LRP1B: variants seen among roughly 807,000 people sequenced by gnomAD.
The protein encoded by LRP1B is LDL receptor related protein 1B.
LRP1B carries 217 observed loss-of-function variants against 556.6 expected under a neutral mutation model. That is an observed-to-expected ratio of 0.39 (90% CI 0.35 to 0.44). LRP1B has a LOEUF of 0.44. Among genes scored for constraint, LRP1B ranks in the 20% least tolerant of loss-of-function variants. The pLI is 1.00. For missense variants in LRP1B, 5,053 were observed against 5,620.8 expected (o/e 0.90, Z 3.23); for synonymous variants, 2,047 against 1,865.8 (o/e 1.10, Z -2.50).
At chr2:140,526,506 G>A (rs896310566) in intron 47 of LRP1B, among the ~76,000 whole-genome samples, 156 bp from the exon 48 acceptor site, 1 of 151,656 alleles carries the variant, frequency 6.6e-6, no homozygotes, top group Non-Finnish European at 1.5e-5. Flanking sequence ...ACCTTCAAGC[G>A]TGGGTTAGAT....
intron 41 of LRP1B, among the ~76,000 whole-genome samples, chr2:140,631,477 AAAGT>A (rs1683881945): frequency 6.6e-6 from 1 of 152,246 alleles, no homozygotes. Context: ...ATACGAGTTA[AAAGT>A]AAGTGGTGGA....
At chr2:140,344,679 T>G (rs1231123124) in intron 77 of LRP1B, among the ~76,000 whole-genome samples, 1 of 151,774 alleles carries the variant, frequency 6.6e-6, no homozygotes, top group Non-Finnish European at 1.5e-5. Flanking sequence ...GCATGCTAGT[T>G]TCAAGGTTTT....
intron 7 of LRP1B, among the ~76,000 whole-genome samples, chr2:141,062,800 A>G (rs1427746597): frequency 1.3e-5 from 2 of 151,898 alleles, no homozygotes; most frequent in Non-Finnish European, 2.9e-5. Flanking sequence ...AGCAACAGAA[A>G]TAAAACATAA....
chr2:142,115,568 TA>T (rs1305864449), intron 1 of LRP1B, among the ~76,000 whole-genome samples: 7 of 46,402 alleles, frequency 1.5e-4, no homozygotes, highest in Admixed American at 4.4e-4. Flanking sequence ...ATATGTAATA[TA>T]TATTATATAT....
intron 41 of LRP1B, among the ~76,000 whole-genome samples, chr2:140,692,276 ATTAT>A (rs1686273042): frequency 1.3e-5 from 2 of 152,104 alleles, no homozygotes; most frequent in African/African-American, 2.4e-5. Context: ...ATTGTGTTGT[ATTAT>A]TTGTTTTAAT....
At chr2:141,000,512 A>G (rs1425644923) in intron 15 of LRP1B, among the ~76,000 whole-genome samples, 1 of 152,058 alleles carries the variant, frequency 6.6e-6, no homozygotes, top group African/African-American at 2.4e-5. Flanking sequence ...TATTACAAGT[A>G]CAGGTGGAGA....
intron 43 of LRP1B, among the ~76,000 whole-genome samples, chr2:140,570,821 C>T (rs1438337472): frequency 6.6e-6 from 1 of 151,630 alleles, no homozygotes; most frequent in African/African-American, 2.4e-5. Context: ...TCATTCACCA[C>T]GATCAAGTTG....
chr2:140,544,008 C>A lies in LRP1B; in HGVS notation c.7195-2037G>T, dbSNP rs571506464. 2.0e-3 allele frequency among the ~76,000 whole-genome samples: 302 copies of A among 151,960 alleles called. 1 individual carries two copies. Among genetic ancestry groups the A allele is most frequent in the African/African-American group, 7.0e-3 (290 of 41,500 alleles). ...ATAAAACATTGCTAAGAGAAATTAACAAAATCCTAAATAAAGAGACGTATG... is the reference window on the plus strand; with the variant it reads ...ATAAAACATTGCTAAGAGAAATTAAAAAAATCCTAAATAAAGAGACGTATG... On this transcript the variant is annotated intron_variant, in intron 43 of 90. Coordinates refer to ENST00000389484, the MANE Select transcript of LRP1B (RefSeq NM_018557.3).
chr2:140,526,268 A>G lies in LRP1B; in HGVS notation c.7845T>C (p.Asp2615=), dbSNP rs753617263. Residue 2615 remains aspartate (D), a synonymous_variant, in exon 48 of 91, where the codon GAT becomes GAC. Coordinates refer to ENST00000389484, the MANE Select transcript of LRP1B (RefSeq NM_018557.3). ...PRSARCNQNI[D]CADASDEKNC... ...TCTTTTCATCTGAAGCATCTGCACA[A>G]TCTATGTTCTGGTTGCATCGTGCTG... 6.2e-7 allele frequency: 1 copy of G among 1,611,974 alleles called. No individual in the cohort carries two copies. Among genetic ancestry groups the G allele is most frequent in the African/African-American group, 1.3e-5 (1 of 74,910 alleles).
intron 41 of LRP1B, among the ~76,000 whole-genome samples, chr2:140,684,798 C>T (rs947211149): frequency 1.3e-5 from 2 of 152,074 alleles, no homozygotes; most frequent in Non-Finnish European, 2.9e-5. Flanking sequence ...TAATGGCATG[C>T]TAGCTAAGGT....
intron 23 of LRP1B, among the ~76,000 whole-genome samples, chr2:140,892,653 C>T (rs962452853): frequency 1.3e-5 from 2 of 152,066 alleles, no homozygotes; most frequent in East Asian, 3.9e-4. Flanking sequence ...AAGTACATTC[C>T]ATGATTGTTA....
chr2:141,783,054 T>G (rs1695316157), intron 2 of LRP1B, among the ~76,000 whole-genome samples: 1 of 152,102 alleles, frequency 6.6e-6, no homozygotes, highest in Non-Finnish European at 1.5e-5. Context: ...ATCCATTCAT[T>G]CATTCACTTA....
At chr2:142,037,483 G>T (rs1164633904) in intron 1 of LRP1B, among the ~76,000 whole-genome samples, 4 of 151,610 alleles carry the variant, frequency 2.6e-5, no homozygotes, top group African/African-American at 9.7e-5. Flanking sequence ...TGAGGTGAGA[G>T]CCTGGAGTGA....
intron 15 of LRP1B, among the ~76,000 whole-genome samples, chr2:141,002,155 G>T (rs1697443887): frequency 6.6e-6 from 1 of 151,914 alleles, no homozygotes; most frequent in Non-Finnish European, 1.5e-5. Flanking sequence ...GTGACTCAGA[G>T]AAAGTTTACC....
chr2:142,112,710 C>T (rs1450601398), intron 1 of LRP1B, among the ~76,000 whole-genome samples: 1 of 152,102 alleles, frequency 6.6e-6, no homozygotes, highest in Non-Finnish European at 1.5e-5. Flanking sequence ...TAAGCCTCTT[C>T]TCCCCAGGAT....
chr2:140,515,537 A>C (rs909440069), intron 50 of LRP1B, among the ~76,000 whole-genome samples: 5 of 152,106 alleles, frequency 3.3e-5, no homozygotes, highest in African/African-American at 9.7e-5. Context: ...TAAGGTGTTC[A>C]AAATATAAAC....
intron 3 of LRP1B, among the ~76,000 whole-genome samples, chr2:141,479,337 T>C (rs1214367053): frequency 6.6e-6 from 1 of 152,158 alleles, no homozygotes; most frequent in African/African-American, 2.4e-5. Flanking sequence ...TTTTAAAAAA[T>C]AGCATCTGAC....
intron 4 of LRP1B, among the ~76,000 whole-genome samples, chr2:141,250,606 G>A (rs539463973): frequency 5.9e-5 from 9 of 152,142 alleles, no homozygotes; most frequent in Non-Finnish European, 1.2e-4. Context: ...AGTGGTTATA[G>A]TGAATGACTA....
At chr2:141,420,798 GC>G (rs1474623366) in intron 3 of LRP1B, among the ~76,000 whole-genome samples, 1 of 152,156 alleles carries the variant, frequency 6.6e-6, no homozygotes, top group East Asian at 1.9e-4. Context: ...TTTCTAAGTG[GC>G]CCCCAGAAAT....
Sources: gnomAD v4.1 joint callset for allele counts (sites outside exome capture counted in the v4.1 genomes callset) on GRCh38, gnomAD v4.1.1 for gene constraint, MANE v1.5 for transcripts, NCBI Gene and HGNC (gene_info 2026-07-23, HGNC 2026-07-21) for gene names.